Variants in MAD1L1 observed in about 807,000 individuals in gnomAD.
The protein encoded by MAD1L1 is mitotic arrest deficient 1 like 1, also known as mitotic spindle assembly checkpoint protein MAD1.
Under a neutral mutation model 96.9 loss-of-function variants are expected in MAD1L1, and 95 were observed. The observed-to-expected ratio is 0.98, with a 90% CI of 0.83 to 1.16. The LOEUF is 1.16. MAD1L1 is among the 50% of genes most tolerant of loss of function. MAD1L1 has a pLI of 0.00. For missense variants in MAD1L1, 1,007 were observed against 954.4 expected, an observed-to-expected ratio of 1.06 and a Z score of -0.73; for synonymous variants, 473 against 396.6, an observed-to-expected ratio of 1.19 and a Z score of -2.29.
intron 17 of MAD1L1, among the ~76,000 whole-genome samples, chr7:1,923,486 G>GGGCCACCCCGCGCTCTTCCGCCCCGGCAC (rs1562527703): frequency 6.7e-6 from 1 of 150,234 alleles, no homozygotes; most frequent in Non-Finnish European, 1.5e-5. Flanking sequence ...CGCCCCGGCA[G>GGGCCACCCCGCGCTCTTCCGCCCCGGCAC]CCGGGCAACC....
At chr7:2,091,472 A>C (rs1054287752) in intron 11 of MAD1L1, among the ~76,000 whole-genome samples, 1 of 152,214 alleles carries the variant, frequency 6.6e-6, no homozygotes, top group African/African-American at 2.4e-5. Context: ...CTCACTTAGA[A>C]AAATACATTC....
chr7:1,852,416 C>T (rs1269373494), intron 18 of MAD1L1, among the ~76,000 whole-genome samples: 1 of 152,170 alleles, frequency 6.6e-6, no homozygotes, highest in African/African-American at 2.4e-5. Flanking sequence ...TCCAAGGGTC[C>T]CCCTCAATGG....
At chr7:2,062,917 A>G (rs534783965) in intron 12 of MAD1L1, among the ~76,000 whole-genome samples, 9 of 152,366 alleles carry the variant, frequency 5.9e-5, no homozygotes, top group Admixed American at 5.2e-4. Flanking sequence ...ACGAAGGTCA[A>G]AAGGATAACG....
intron 14 of MAD1L1, among the ~76,000 whole-genome samples, chr7:1,998,066 T>C (rs187999334): frequency 5.3e-5 from 8 of 151,940 alleles, no homozygotes; most frequent in Non-Finnish European, 2.9e-5. Context: ...GAACAGAAAT[T>C]ATATGGGCTA....
At chr7:2,025,360 T>C (rs1782953191) in intron 12 of MAD1L1, among the ~76,000 whole-genome samples, 1 of 152,146 alleles carries the variant, frequency 6.6e-6, no homozygotes, top group East Asian at 1.9e-4. Context: ...GCAGAACCAA[T>C]GGGAGTCAAA....
intron 11 of MAD1L1, among the ~76,000 whole-genome samples, chr7:2,081,000 T>C (rs3800881): frequency 0.63 from 96,217 of 152,050 alleles, 30,590 homozygotes; most frequent in Admixed American, 0.7. Context: ...GTCCAGACTC[T>C]GTGCCCCCTC....
At chr7:2,124,470 C>A (rs1208535792) in intron 11 of MAD1L1, among the ~76,000 whole-genome samples, 1 of 152,220 alleles carries the variant, frequency 6.6e-6, no homozygotes, top group Non-Finnish European at 1.5e-5. Context: ...GCTACCAGGG[C>A]TAGTGAGGAA....
intron 12 of MAD1L1, among the ~76,000 whole-genome samples, chr7:2,038,416 C>T (rs950564611): frequency 1.3e-5 from 2 of 148,910 alleles, no homozygotes; most frequent in African/African-American, 2.5e-5. Context: ...AGGGCTTTTA[C>T]AGTTACAGAG....
At chr7:2,150,496 C>A (rs764576675) in intron 10 of MAD1L1, among the ~76,000 whole-genome samples, 2 of 152,202 alleles carry the variant, frequency 1.3e-5, no homozygotes, top group African/African-American at 4.8e-5. Context: ...GCCCCTCCCC[C>A]GGTCTTCCAG....
intron 11 of MAD1L1, among the ~76,000 whole-genome samples, chr7:2,082,790 G>T (rs947827958): frequency 6.6e-6 from 1 of 152,238 alleles, no homozygotes; most frequent in African/African-American, 2.4e-5. Context: ...ATGGAGCCCG[G>T]CGCCTGCACT....
chr7:2,149,056 G>T, intron 11 of MAD1L1, 96 bp downstream of exon 11: 1 of 1,061,314 alleles, frequency 9.4e-7, no homozygotes, highest in Non-Finnish European at 1.4e-6. Flanking sequence ...ATGAAGGACA[G>T]CCATCCCCCA....
At chr7:2,080,025 C>T (rs1785560769) in intron 11 of MAD1L1, 1 of 299,772 alleles carries the variant, frequency 3.3e-6, no homozygotes, top group Non-Finnish European at 6.5e-6. Context: ...TCAACCCTGT[C>T]AGCGCTGGCT....
rs893809830 is a variant in MAD1L1 at position 1,845,662 on chromosome 7, C to T, written c.1999-29434G>A. Reference sequence around the variant, plus strand: ...CTGTTTAGGAGACGGACGTGCTCCACGCAGACACGCGTCCCGCTCTGGTTC... The same window carrying T: ...CTGTTTAGGAGACGGACGTGCTCCATGCAGACACGCGTCCCGCTCTGGTTC... On this transcript the variant is annotated intron_variant, in intron 18 of 18. Coordinates refer to ENST00000265854, the MANE Select transcript of MAD1L1 (RefSeq NM_001013836.2). 8.2e-5 allele frequency: 11 copies of T among 133,400 alleles called. No homozygotes were observed. In the East Asian group the frequency reaches 1.2e-3, roughly 14 times the overall value. The allele number at this position is 133,400 out of a possible 1,614,324, so 8.3% of individuals were successfully genotyped here. A position where few individuals can be genotyped will look rare whatever the true frequency, so the allele number is the denominator to read the frequency against.
chr7:2,115,858 G>A (rs1188733821), intron 11 of MAD1L1, among the ~76,000 whole-genome samples: 1 of 152,238 alleles, frequency 6.6e-6, no homozygotes, highest in Non-Finnish European at 1.5e-5. Flanking sequence ...CCTGCGGGAA[G>A]AAGCTCTCAG....
At chr7:1,949,921 C>T (rs887888566) in intron 16 of MAD1L1, among the ~76,000 whole-genome samples, 2 of 152,196 alleles carry the variant, frequency 1.3e-5, no homozygotes, top group African/African-American at 4.8e-5. Context: ...GGAGCCCGGA[C>T]CCCCCAGGTC....
chr7:1,888,573 CAT>C (rs1356918744), intron 18 of MAD1L1, among the ~76,000 whole-genome samples: 7 of 148,358 alleles, frequency 4.7e-5, no homozygotes, highest in African/African-American at 1.5e-4. Context: ...TGTGGCTGTA[CAT>C]GTGAGCATGC....
intron 15 of MAD1L1, among the ~76,000 whole-genome samples, chr7:1,958,684 C>G (rs1042355021): frequency 6.6e-6 from 1 of 152,224 alleles, no homozygotes; most frequent in Non-Finnish European, 1.5e-5. Context: ...ACATTTAAAG[C>G]AGCAGGAAGA....
At chr7:2,034,542 C>T (rs555957105) in intron 12 of MAD1L1, among the ~76,000 whole-genome samples, 2 of 152,254 alleles carry the variant, frequency 1.3e-5, no homozygotes, top group South Asian at 4.1e-4. Flanking sequence ...TATGTCTACA[C>T]GAAGAAACAT....
chr7:2,123,029 C>A (rs970455625), intron 11 of MAD1L1, among the ~76,000 whole-genome samples: 9 of 152,144 alleles, frequency 5.9e-5, no homozygotes, highest in Non-Finnish European at 1.3e-4. Flanking sequence ...GGGAGCCGGG[C>A]GCAGTGGCTC....
Sources: allele counts gnomAD v4.1 joint callset (sites outside exome capture counted in the v4.1 genomes callset), GRCh38; gene constraint gnomAD v4.1.1; transcripts MANE v1.5; gene names NCBI Gene and HGNC (gene_info 2026-07-23, HGNC 2026-07-21).